NALCN: variants seen among roughly 807,000 people sequenced by gnomAD.
NALCN encodes the protein sodium leak channel, non-selective, also known as sodium leak channel NALCN.
In NALCN, 111 loss-of-function variants were observed where a neutral mutation model predicts 225.3. That is an observed-to-expected ratio of 0.49 (90% CI 0.42 to 0.58). The LOEUF is 0.58. Ranked by LOEUF, NALCN falls within the 20% of genes least tolerant of loss-of-function variation. The pLI, the probability that NALCN is intolerant of heterozygous loss-of-function variation, is 0.00. For synonymous variants in NALCN, 764 were observed against 769.0 expected, an observed-to-expected ratio of 0.99 and a Z score of 0.11; for missense variants, 1,378 against 2,202.4, an observed-to-expected ratio of 0.63 and a Z score of 7.49.
intron 10 of NALCN, among the ~76,000 whole-genome samples, chr13:101,268,035 GGT>G (rs1390731903): frequency 6.6e-6 from 1 of 152,074 alleles, no homozygotes; most frequent in Non-Finnish European, 1.5e-5. Flanking sequence ...TTTGAGAAAG[GGT>G]GTGCCTTCTC....
rs147382076 is a variant in NALCN at position 101,135,423 on chromosome 13, G to C, written c.2118+7657C>G. Among the ~76,000 whole-genome samples the C allele has an allele frequency of 3.3e-3, 495 of 152,254 alleles. 2 individuals are homozygous for C. The highest frequency in any genetic ancestry group is 6.8e-3 in the Middle Eastern group (2 of 294). The stretch of plus-strand genomic sequence containing the variant: ...CAAAATTTTTTTTTGTTTTGAGACG[G>C]AGTCTCGCTGTATCGCCCAAGCTGG... On this transcript the variant is annotated intron_variant, in intron 17 of 43. Transcript: ENST00000251127.
At chr13:101,234,977 A>G (rs2041498983) in intron 12 of NALCN, among the ~76,000 whole-genome samples, 1 of 152,086 alleles carries the variant, frequency 6.6e-6, no homozygotes. Context: ...CAAGAGTAGG[A>G]AACTAGAGAT....
chr13:101,098,566 C>G (rs1304612375), intron 27 of NALCN, among the ~76,000 whole-genome samples: 1 of 152,174 alleles, frequency 6.6e-6, no homozygotes, highest in Non-Finnish European at 1.5e-5. Flanking sequence ...GGAGGAAGTG[C>G]TCAGCCTCAT....
At chr13:101,155,580 C>T (rs1008124350) in intron 15 of NALCN, among the ~76,000 whole-genome samples, 4 of 152,126 alleles carry the variant, frequency 2.6e-5, no homozygotes, top group African/African-American at 9.7e-5. Context: ...GTTAACTGTC[C>T]TTACTTGGGT....
chr13:101,305,630 CTT>C (rs1443973939), intron 7 of NALCN, among the ~76,000 whole-genome samples: 2 of 152,330 alleles, frequency 1.3e-5, no homozygotes, highest in South Asian at 4.1e-4. Flanking sequence ...AACAATACCT[CTT>C]GTCTCCTTTT....
At chr13:101,066,860 C>T (rs912370188) in intron 39 of NALCN, among the ~76,000 whole-genome samples, 19 of 152,152 alleles carry the variant, frequency 1.2e-4, no homozygotes, top group Middle Eastern at 3.4e-3. Context: ...TTCCAGATCT[C>T]GCCCCAAATA....
At chr13:101,181,005 C>T in intron 14 of NALCN, 2 of 461,742 alleles carry the variant, frequency 4.3e-6, no homozygotes, top group Non-Finnish European at 8.8e-6. Context: ...ATCATAAATT[C>T]ACACATTTAG....
chr13:101,416,834 G>T (rs1356341413), upstream of NALCN, among the ~76,000 whole-genome samples: 1 of 151,948 alleles, frequency 6.6e-6, no homozygotes, highest in Non-Finnish European at 1.5e-5. Context: ...GCACACGCGG[G>T]GTACACTTAA....
At chr13:101,414,588 C>T (rs1162482118) in intron 1 of NALCN, among the ~76,000 whole-genome samples, 5 of 152,066 alleles carry the variant, frequency 3.3e-5, no homozygotes, top group East Asian at 3.9e-4. Flanking sequence ...CAAAGAAATG[C>T]CATACCCAAG....
intron 17 of NALCN, among the ~76,000 whole-genome samples, chr13:101,132,561 G>T (rs2036568787): frequency 6.6e-6 from 1 of 152,058 alleles, no homozygotes; most frequent in African/African-American, 2.4e-5. Flanking sequence ...GTGCTGAGGT[G>T]ATATATACAT....
intron 11 of NALCN, among the ~76,000 whole-genome samples, chr13:101,240,205 T>C (rs910673243): frequency 2.0e-5 from 3 of 152,090 alleles, no homozygotes; most frequent in African/African-American, 7.2e-5. Flanking sequence ...CTTTTACATA[T>C]AAAATAGAAC....
chr13:101,388,571 T>TAAC, intron 3 of NALCN, among the ~76,000 whole-genome samples: 1 of 152,338 alleles, frequency 6.6e-6, no homozygotes, highest in Middle Eastern at 3.4e-3. Context: ...ATTCAACTTC[T>TAAC]AACATTTACA....
intron 7 of NALCN, among the ~76,000 whole-genome samples, chr13:101,337,942 C>G (rs909532383): frequency 6.6e-6 from 1 of 152,138 alleles, no homozygotes; most frequent in Non-Finnish European, 1.5e-5. Flanking sequence ...CACTCATCAG[C>G]TGAGGGATAA....
chr13:101,312,950 A>C (rs2044404873), intron 7 of NALCN, among the ~76,000 whole-genome samples: 1 of 152,226 alleles, frequency 6.6e-6, no homozygotes, highest in Admixed American at 6.5e-5. Context: ...GGCTACAGTA[A>C]CCAAAACAGC....
Position 101,089,867 on chromosome 13 carries a change from A to G in NALCN, c.3369T>C (p.Val1123=). The change falls in exon 29 of 44, where the codon GTT becomes GTC. Residue 1123 remains valine, a synonymous_variant. Coordinates refer to ENST00000251127, the MANE Select transcript of NALCN (RefSeq NM_052867.4). The surrounding 1 kb of genome is among the most constrained non-coding windows in gnomAD (Gnocchi z 4.7). ...SLKGWVEVRD[V]IIHRVGPIHG... is the part of the protein sequence containing the mutation. ...TTACCGGCCCCACACGATGAATAATAACATCTCTCACTTCCACCCAGCCTT... is the reference window on the plus strand; with the variant it reads ...TTACCGGCCCCACACGATGAATAATGACATCTCTCACTTCCACCCAGCCTT... The G allele has an allele frequency of 6.2e-7, 1 of 1,614,086 alleles. No individual in the cohort carries two copies. The highest frequency in any genetic ancestry group is 8.5e-7 in the Non-Finnish European group (1 of 1,179,928).
chr13:101,277,304 C>T (rs2043000321), intron 10 of NALCN, among the ~76,000 whole-genome samples: 1 of 151,946 alleles, frequency 6.6e-6, no homozygotes, highest in African/African-American at 2.4e-5. Context: ...TTTTTTAGTA[C>T]ATTTCATTTA....
chr13:101,165,433 A>G (rs1184348590), intron 15 of NALCN, among the ~76,000 whole-genome samples: 1 of 152,138 alleles, frequency 6.6e-6, no homozygotes, highest in Non-Finnish European at 1.5e-5. Flanking sequence ...TTGTGGTAAA[A>G]AACATACAAC....
chr13:101,193,051 G>C (rs2039745401), intron 13 of NALCN, among the ~76,000 whole-genome samples: 1 of 151,808 alleles, frequency 6.6e-6, no homozygotes, highest in Admixed American at 6.6e-5. Context: ...GTTACACTGG[G>C]GGACCTAAAG....
At chr13:101,385,246 G>A (rs78132209) in intron 3 of NALCN, among the ~76,000 whole-genome samples, 3,221 of 151,886 alleles carry the variant, frequency 0.021, 116 homozygotes, top group African/African-American at 0.074. Context: ...TTCTTTCTCC[G>A]TGAGATCCCT....
Sources: gnomAD v4.1 joint callset for allele counts (sites outside exome capture counted in the v4.1 genomes callset) on GRCh38, gnomAD v4.1.1 for gene constraint, Gnocchi (gnomAD v3.1) non-coding constraint, MANE v1.5 for transcripts, NCBI Gene and HGNC (gene_info 2026-07-23, HGNC 2026-07-21) for gene names.